Variants in PRKG1 observed in about 807,000 individuals in gnomAD.
PRKG1 encodes the protein cGMP-dependent protein kinase 1.
Under a neutral mutation model 88.1 loss-of-function variants are expected in PRKG1, and 35 were observed. The ratio of observed to expected loss-of-function variants is 0.40; its 90% confidence interval spans 0.30 to 0.53. The LOEUF (loss-of-function observed/expected upper bound fraction) is 0.53. Ranked by LOEUF, PRKG1 falls within the 20% of genes least tolerant of loss-of-function variation. The pLI is 0.59. For synonymous variants in PRKG1, 303 were observed against 292.5 expected (o/e 1.04, Z -0.37); for missense variants, 540 against 839.8 (o/e 0.64, Z 4.41).
At chr10:51,131,709 G>A (rs868774626) in intron 1 of PRKG1, among the ~76,000 whole-genome samples, 2 of 152,186 alleles carry the variant, frequency 1.3e-5, no homozygotes, top group Middle Eastern at 3.2e-3. Flanking sequence ...TCTCCTAGTG[G>A]CAGTTAATAG....
chr10:52,023,423 G>A (rs1487041927), intron 5 of PRKG1, among the ~76,000 whole-genome samples: 2 of 152,124 alleles, frequency 1.3e-5, no homozygotes, highest in East Asian at 1.9e-4. Flanking sequence ...TCCTTTGGGT[G>A]TATACCCAGT....
At chr10:52,042,452 G>A (rs1845774236) in intron 5 of PRKG1, among the ~76,000 whole-genome samples, 1 of 152,018 alleles carries the variant, frequency 6.6e-6, no homozygotes, top group Non-Finnish European at 1.5e-5. Context: ...TCAACAAAAT[G>A]CCAAGAGCAC....
chr10:52,007,871 A>G (rs1268723458), intron 5 of PRKG1, among the ~76,000 whole-genome samples: 1 of 152,134 alleles, frequency 6.6e-6, no homozygotes, highest in Non-Finnish European at 1.5e-5. Context: ...ACACTCTAAA[A>G]TCAGACATAA....
At chr10:51,456,682 AC>A in intron 2 of PRKG1, among the ~76,000 whole-genome samples, 1 of 152,128 alleles carries the variant, frequency 6.6e-6, no homozygotes, top group South Asian at 2.1e-4. Context: ...AATATTCACA[AC>A]CTATGCTTCT....
chr10:52,267,235 C>G (rs1394140107), intron 10 of PRKG1, among the ~76,000 whole-genome samples: 1 of 144,144 alleles, frequency 6.9e-6, no homozygotes, highest in Non-Finnish European at 1.6e-5. Flanking sequence ...ATTGCTATAA[C>G]TGACTCAGAG....
chr10:52,278,974 T>C (rs1015784452), intron 12 of PRKG1, among the ~76,000 whole-genome samples: 1 of 152,170 alleles, frequency 6.6e-6, no homozygotes, highest in African/African-American at 2.4e-5. Flanking sequence ...TCTTTCATTT[T>C]GTTTTGTTTT....
intron 5 of PRKG1, among the ~76,000 whole-genome samples, chr10:52,040,014 A>G (rs948995853): frequency 1.3e-5 from 2 of 152,096 alleles, no homozygotes; most frequent in East Asian, 3.9e-4. Flanking sequence ...ACATCCTCCA[A>G]TGTGTGAGGA....
At chr10:51,321,746 A>G (rs1170783155) in intron 2 of PRKG1, among the ~76,000 whole-genome samples, 2 of 152,222 alleles carry the variant, frequency 1.3e-5, no homozygotes, top group Admixed American at 6.5e-5. Context: ...TTTTAAAATG[A>G]CTAAAAGAGT....
At chr10:52,013,418 CAAA>C (rs200943011) in intron 5 of PRKG1, among the ~76,000 whole-genome samples, 1 of 109,728 alleles carries the variant, frequency 9.1e-6, no homozygotes. Flanking sequence ...GACTCCGTCT[CAAA>C]AAAAAAAAAA....
chr10:51,264,349 C>T (rs1839788125), intron 2 of PRKG1, among the ~76,000 whole-genome samples: 1 of 152,140 alleles, frequency 6.6e-6, no homozygotes. Flanking sequence ...TAAATTGAGC[C>T]TTCTCTGGCT....
chr10:51,254,326 T>C (rs998853525), intron 2 of PRKG1, among the ~76,000 whole-genome samples: 1 of 152,004 alleles, frequency 6.6e-6, no homozygotes, highest in Non-Finnish European at 1.5e-5. Context: ...AATGTATACA[T>C]TTTTGCATGT....
intron 3 of PRKG1, among the ~76,000 whole-genome samples, chr10:51,679,165 G>T (rs1270403202): frequency 6.6e-6 from 1 of 152,122 alleles, no homozygotes; most frequent in Non-Finnish European, 1.5e-5. Context: ...AGCTGTCCAT[G>T]TGCTGAAAAT....
chr10:51,230,304 G>C (rs1838808829), intron 2 of PRKG1, among the ~76,000 whole-genome samples: 2 of 152,192 alleles, frequency 1.3e-5, no homozygotes, highest in Admixed American at 6.5e-5. Flanking sequence ...CTTTCTGGGA[G>C]ATACTCAAAG....
intron 2 of PRKG1, among the ~76,000 whole-genome samples, chr10:51,409,901 G>A (rs977678994): frequency 3.3e-5 from 5 of 149,646 alleles, no homozygotes; most frequent in Admixed American, 2.0e-4. Context: ...AGATGTCAGG[G>A]CCTTGCTCTA....
chr10:51,667,056 C>T (rs114112754), intron 3 of PRKG1, among the ~76,000 whole-genome samples: 5,451 of 152,124 alleles, frequency 0.036, 135 homozygotes, highest in South Asian at 0.1. Flanking sequence ...CCTGCCTCAC[C>T]GTCCCAAAGT....
chr10:51,893,130 C>T (rs1386029413), intron 4 of PRKG1, among the ~76,000 whole-genome samples: 1 of 152,100 alleles, frequency 6.6e-6, no homozygotes, highest in African/African-American at 2.4e-5. Flanking sequence ...ATTAGTGCCT[C>T]ACTTCCTGAT....
At chr10:51,951,130 T>C (rs1205668251) in intron 5 of PRKG1, among the ~76,000 whole-genome samples, 1 of 152,222 alleles carries the variant, frequency 6.6e-6, no homozygotes, top group East Asian at 1.9e-4. Context: ...GGGTCATGGG[T>C]TTCATCCAGG....
chr10:51,078,099 A>C (rs1741882853), intron 1 of PRKG1, among the ~76,000 whole-genome samples: 1 of 152,152 alleles, frequency 6.6e-6, no homozygotes, highest in Non-Finnish European at 1.5e-5. Flanking sequence ...TTTTCATGTC[A>C]CAGGGTTTCA....
At chr10:51,858,979 A>G (rs1840794077) in intron 4 of PRKG1, among the ~76,000 whole-genome samples, 1 of 152,088 alleles carries the variant, frequency 6.6e-6, no homozygotes, top group Admixed American at 6.6e-5. Flanking sequence ...ATCAATGGGT[A>G]TCTCTAACAC....
Sources: allele counts gnomAD v4.1 joint callset (sites outside exome capture counted in the v4.1 genomes callset), GRCh38; gene constraint gnomAD v4.1.1; transcripts MANE v1.5; gene names NCBI Gene and HGNC (gene_info 2026-07-23, HGNC 2026-07-21).